Variants in GPRC6A observed in about 807,000 individuals in gnomAD.
The protein encoded by GPRC6A is G protein-coupled receptor family C group 6 member A.
A neutral mutation model predicts 47.0 loss-of-function variants in GPRC6A; 54 were observed. The observed-to-expected ratio is 1.15, with a 90% CI of 0.92 to 1.44. The LOEUF is 1.44. Among genes scored for constraint, GPRC6A ranks in the 40% most tolerant of loss-of-function variants. The pLI, the probability that GPRC6A is intolerant of heterozygous loss-of-function variation, is 0.00. For synonymous variants in GPRC6A, 347 were observed against 377.1 expected, an observed-to-expected ratio of 0.92 and a Z score of 0.93; for missense variants, 1,112 against 1,105.5, an observed-to-expected ratio of 1.01 and a Z score of -0.08.
At chr6:116,798,044 T>C (rs1772543275) in intron 4 of GPRC6A, among the ~76,000 whole-genome samples, 1 of 152,240 alleles carries the variant, frequency 6.6e-6, no homozygotes, top group South Asian at 2.1e-4. Context: ...TTAGGCACTG[T>C]TCTAATTGTT....
At position 116,828,824 on chromosome 6, in the gene GPRC6A, C is replaced by A. The variant is rs1210220694; in HGVS notation, c.190G>T (p.Val64Phe). The A allele has an allele frequency of 1.2e-6, 2 of 1,611,032 alleles. No individual in the cohort carries two copies. The highest frequency in any genetic ancestry group is 8.5e-7 in the Non-Finnish European group (1 of 1,178,212). ...SPRRPQIQECVGFEISVFLQT... is the reference protein window; with the variant it reads ...SPRRPQIQECFGFEISVFLQT... The stretch of plus-strand genomic sequence containing the variant: ...TGTTTTTTGAGACTTACTCACCCAA[C>A]ACACTCCTGGATTTGTGGTCGTCTG... The change falls in exon 1 of 6, where the codon GTT becomes TTT. Residue 64 changes from valine (V) to phenylalanine (F), a missense_variant. Coordinates refer to ENST00000310357, the MANE Select transcript of GPRC6A (RefSeq NM_148963.4).
chr6:116,799,929 CT>C (rs1194991929), intron 4 of GPRC6A, among the ~76,000 whole-genome samples: 1 of 152,120 alleles, frequency 6.6e-6, no homozygotes, highest in Admixed American at 6.6e-5. Flanking sequence ...GGCAGGGGTA[CT>C]GGCACAGATG....
At chr6:116,798,672 C>T (rs1437593667) in intron 4 of GPRC6A, among the ~76,000 whole-genome samples, 3 of 151,862 alleles carry the variant, frequency 2.0e-5, no homozygotes, top group Non-Finnish European at 4.4e-5. Context: ...ATCACAGGGT[C>T]AGGAGTTCAA....
chr6:116,799,186 G>A (rs140236517), intron 4 of GPRC6A, among the ~76,000 whole-genome samples: 21 of 152,272 alleles, frequency 1.4e-4, no homozygotes, highest in African/African-American at 4.1e-4. Flanking sequence ...TGACTGCTAC[G>A]CATCCAGGTA....
intron 1 of GPRC6A, among the ~76,000 whole-genome samples, chr6:116,813,347 A>C (rs902080218): frequency 2.6e-5 from 4 of 152,200 alleles, no homozygotes; most frequent in African/African-American, 9.6e-5. Context: ...GTGCTACCTG[A>C]CTTCAAACTA....
chr6:116,809,954 T>A (rs1316429479), intron 1 of GPRC6A, among the ~76,000 whole-genome samples: 6 of 152,158 alleles, frequency 3.9e-5, no homozygotes, highest in Admixed American at 3.3e-4. Flanking sequence ...AAATGCTTGC[T>A]TTTTAGACTC....
At chr6:116,822,791 C>T (rs1013196247) in intron 1 of GPRC6A, among the ~76,000 whole-genome samples, 1 of 147,622 alleles carries the variant, frequency 6.8e-6, no homozygotes, top group Non-Finnish European at 1.5e-5. Context: ...AGCGCACCAG[C>T]ATGGCACAGG....
intron 3 of GPRC6A, among the ~76,000 whole-genome samples, chr6:116,803,586 T>C (rs1182819999): frequency 6.6e-6 from 1 of 152,126 alleles, no homozygotes; most frequent in African/African-American, 2.4e-5. Flanking sequence ...CATCAAAGTT[T>C]GAGATGCCCT....
chr6:116,809,202 A>G, intron 2 of GPRC6A, 112 bp downstream of exon 2: 1 of 782,928 alleles, frequency 1.3e-6, no homozygotes, highest in Non-Finnish European at 2.1e-6. Flanking sequence ...ACTAAAGAGA[A>G]AGAAAAGTTA....
intron 1 of GPRC6A, among the ~76,000 whole-genome samples, chr6:116,822,554 C>T (rs1226113318): frequency 1.1e-3 from 146 of 136,462 alleles, no homozygotes; most frequent in African/African-American, 4.0e-3. Context: ...AGTTCATGTC[C>T]TTTGTAGGGA....
intron 1 of GPRC6A, among the ~76,000 whole-genome samples, chr6:116,815,354 A>G (rs1008228110): frequency 1.3e-5 from 2 of 152,140 alleles, no homozygotes; most frequent in East Asian, 3.9e-4. Context: ...ATGGTGGTAC[A>G]CACCTGTGAT....
rs1441389376 is a variant in GPRC6A at position 116,792,472 on chromosome 6, G to A, written c.2451C>T (p.Val817=). ...GKYVPAVEII[V]ILISNYGILY... ...GGATTCCATAGTTAGATATTAATAT[G>A]ACAATAATCTCCACAGCTGGTACAT... The change falls in exon 6 of 6, where the codon GTC becomes GTT. Residue 817 remains valine (V), a synonymous_variant. Coordinates refer to ENST00000310357, the MANE Select transcript of GPRC6A (RefSeq NM_148963.4). 6.2e-7 allele frequency: 1 copy of A among 1,613,656 alleles called. No individual in the cohort carries two copies. The highest frequency in any genetic ancestry group is 1.7e-5 in the Admixed American group (1 of 59,990).
Position 116,792,515 on chromosome 6 carries a change from G to A in GPRC6A, c.2408C>T (p.Ala803Val). ...IAWITFIPIY[A>V]TTFGKYVPAV... ...TGGTACATATTTGCCAAATGTGGTAGCATAGATAGGGATGAATGTGATCCA... is the reference window on the plus strand; with the variant it reads ...TGGTACATATTTGCCAAATGTGGTAACATAGATAGGGATGAATGTGATCCA... The change falls in exon 6 of 6, where the codon GCT becomes GTT. Residue 803 changes from alanine to valine, a missense_variant. Coordinates refer to ENST00000310357, the MANE Select transcript of GPRC6A (RefSeq NM_148963.4). The A allele has an allele frequency of 6.2e-7, 1 of 1,613,794 alleles. No individual in the cohort carries two copies. The highest frequency in any genetic ancestry group is 8.5e-7 in the Non-Finnish European group (1 of 1,179,824).
chr6:116,797,868 T>G (rs911697175), intron 4 of GPRC6A, among the ~76,000 whole-genome samples: 2 of 152,126 alleles, frequency 1.3e-5, no homozygotes, highest in African/African-American at 4.8e-5. Flanking sequence ...ACAGTGAAAG[T>G]TTGAGAACAC....
At chr6:116,814,901 C>T (rs976669037) in intron 1 of GPRC6A, among the ~76,000 whole-genome samples, 1 of 151,854 alleles carries the variant, frequency 6.6e-6, no homozygotes, top group Non-Finnish European at 1.5e-5. Flanking sequence ...CTCATGCAAA[C>T]AAAAACCAAA....
Sources: allele counts gnomAD v4.1 joint callset (sites outside exome capture counted in the v4.1 genomes callset), GRCh38; gene constraint gnomAD v4.1.1; transcripts MANE v1.5; gene names NCBI Gene and HGNC (gene_info 2026-07-23, HGNC 2026-07-21).